The following SCML4 variants were observed in gnomAD, a reference collection of about 807,000 sequenced individuals.
SCML4 encodes the protein Scm polycomb group protein like 4.
A neutral mutation model predicts 41.1 loss-of-function variants in SCML4; 34 were observed. The ratio of observed to expected loss-of-function variants is 0.83; its 90% CI spans 0.63 to 1.10. The LOEUF is 1.10. SCML4 is among the 50% of genes least tolerant of loss of function. The pLI, the probability that SCML4 is intolerant of heterozygous loss-of-function variation, is 0.00. For missense variants in SCML4, 522 were observed against 534.1 expected (o/e 0.98, Z 0.22); for synonymous variants, 214 against 220.9 (o/e 0.97, Z 0.28).
At chr6:107,784,830 C>A (rs536086644) in intron 1 of SCML4, among the ~76,000 whole-genome samples, 1 of 152,228 alleles carries the variant, frequency 6.6e-6, no homozygotes, top group African/African-American at 2.4e-5. Context: ...GCACTCATCA[C>A]GGCCCGTGGT....
chr6:107,826,939 TG>T (rs1785280487), upstream of SCML4, among the ~76,000 whole-genome samples: 1 of 151,970 alleles, frequency 6.6e-6, no homozygotes, highest in Admixed American at 6.6e-5. Context: ...GGCAGGCGCC[TG>T]TAGTCCCAGC....
chr6:107,727,299 T>C (rs1259784116), intron 5 of SCML4, among the ~76,000 whole-genome samples: 5 of 152,304 alleles, frequency 3.3e-5, no homozygotes, highest in East Asian at 3.9e-4. Flanking sequence ...GGAGGTTTCT[T>C]TGAGGTGATG....
intron 1 of SCML4, among the ~76,000 whole-genome samples, chr6:107,774,958 GCA>G (rs1380662664): frequency 6.6e-6 from 1 of 151,120 alleles, no homozygotes; most frequent in Non-Finnish European, 1.5e-5. Context: ...TCGCGCCACT[GCA>G]CTCCAACCTG....
At chr6:107,813,149 G>C (rs1784284795) in intron 1 of SCML4, among the ~76,000 whole-genome samples, 1 of 151,442 alleles carries the variant, frequency 6.6e-6, no homozygotes, top group South Asian at 2.1e-4. Flanking sequence ...GATGGCTTGA[G>C]TTCAGGAGTT....
At chr6:107,758,309 G>A (rs1779272599) in intron 2 of SCML4, among the ~76,000 whole-genome samples, 1 of 152,226 alleles carries the variant, frequency 6.6e-6, no homozygotes, top group African/African-American at 2.4e-5. Context: ...AACAGCTTGT[G>A]CAAACATTCT....
At chr6:107,773,869 G>A (rs1780713508) in intron 1 of SCML4, among the ~76,000 whole-genome samples, 1 of 152,174 alleles carries the variant, frequency 6.6e-6, no homozygotes, top group Non-Finnish European at 1.5e-5. Context: ...AAGACGATGG[G>A]CACAGTCCCT....
chr6:107,799,423 C>T (rs949053437), intron 1 of SCML4, among the ~76,000 whole-genome samples: 1 of 152,136 alleles, frequency 6.6e-6, no homozygotes, highest in Non-Finnish European at 1.5e-5. Flanking sequence ...TTTTATTGAT[C>T]TCTTACTTGT....
At chr6:107,748,141 T>C (rs766250035) in intron 3 of SCML4, among the ~76,000 whole-genome samples, 13 of 152,360 alleles carry the variant, frequency 8.5e-5, no homozygotes, top group Middle Eastern at 3.4e-3. Context: ...ATTGCATACA[T>C]TGTAAAACAT....
chr6:107,785,118 T>C (rs1781788773), intron 1 of SCML4, among the ~76,000 whole-genome samples: 1 of 152,212 alleles, frequency 6.6e-6, no homozygotes, highest in African/African-American at 2.4e-5. Flanking sequence ...GCCTGGTTTA[T>C]TTATTTTCTT....
chr6:107,742,716 G>T (rs748149461), intron 5 of SCML4, among the ~76,000 whole-genome samples: 5 of 152,060 alleles, frequency 3.3e-5, no homozygotes, highest in Non-Finnish European at 5.9e-5. Flanking sequence ...CTTCAAATAT[G>T]AAGGGTAAAT....
rs1460339024 is a variant in SCML4, at chr6:107,714,975, T to C, written c.973+5728A>G. 1.1e-3 allele frequency among the ~76,000 whole-genome samples: 104 copies of C among 96,770 alleles called. 1 individual carries two copies. Among genetic ancestry groups the C allele is most frequent in the African/African-American group, 3.1e-3 (100 of 32,742 alleles). 63.5% of individuals were successfully genotyped at this position (96,770 alleles called of 152,430 possible). A position where few individuals can be genotyped will look rare whatever the true frequency, so the allele number is the denominator to read the frequency against. Reference sequence around the variant, plus strand: ...TCCCTGGTGTCCCTGCACAAACCCTTTATTTTTTTTTTTTTTTGAGATGAA... The same window carrying C: ...TCCCTGGTGTCCCTGCACAAACCCTCTATTTTTTTTTTTTTTTGAGATGAA... On this transcript the variant is annotated intron_variant, in intron 6 of 7. Coordinates refer to ENST00000369020, the MANE Select transcript of SCML4 (RefSeq NM_198081.5).
intron 5 of SCML4, among the ~76,000 whole-genome samples, chr6:107,727,804 G>A (rs780484862): frequency 6.6e-6 from 1 of 152,184 alleles, no homozygotes; most frequent in African/African-American, 2.4e-5. Flanking sequence ...TACTATCTAC[G>A]ATCTAAAGCC....
chr6:107,752,771 GA>G (rs1182860174), intron 2 of SCML4, among the ~76,000 whole-genome samples: 7 of 152,266 alleles, frequency 4.6e-5, no homozygotes, highest in African/African-American at 1.7e-4. Context: ...TGCCCTCGTG[GA>G]ACTGACATTC....
At chr6:107,833,644 G>T in the SCML4 span, among the ~76,000 whole-genome samples, 2 of 152,172 alleles carry the variant, frequency 1.3e-5, no homozygotes, top group Non-Finnish European at 2.9e-5. Context: ...GGACTCTCCG[G>T]AGAGGAAGTC....
At chr6:107,762,876 C>CTTTTTTTTTTTT (rs57370632) in intron 2 of SCML4, among the ~76,000 whole-genome samples, 2 of 89,656 alleles carry the variant, frequency 2.2e-5, no homozygotes. Context: ...TAAATGCACT[C>CTTTTTTTTTTTT]TTTTTTTTTT....
At chr6:107,751,592 T>TTCTTTCTTTCTTTCTTTCTTTCTG (rs1778646077) in intron 2 of SCML4, among the ~76,000 whole-genome samples, 1 of 130,316 alleles carries the variant, frequency 7.7e-6, no homozygotes, top group Admixed American at 7.7e-5. Flanking sequence ...CTTTCTTTCT[T>TTCTTTCTTTCTTTCTTTCTTTCTG]TCTTTCTTTC....
chr6:107,799,849 AT>A (rs1782971779), intron 1 of SCML4, among the ~76,000 whole-genome samples: 1 of 151,502 alleles, frequency 6.6e-6, no homozygotes, highest in Non-Finnish European at 1.5e-5. Context: ...TAGAGTTTCC[AT>A]TTCTTTTCTA....
intron 2 of SCML4, among the ~76,000 whole-genome samples, chr6:107,771,545 A>G (rs993225429): frequency 7.2e-5 from 11 of 152,284 alleles, no homozygotes; most frequent in African/African-American, 2.6e-4. Context: ...CAGCCTCTCC[A>G]AATCACTGCT....
chr6:107,731,062 G>A (rs973007530), intron 5 of SCML4, among the ~76,000 whole-genome samples: 2 of 152,164 alleles, frequency 1.3e-5, no homozygotes, highest in African/African-American at 4.8e-5. Context: ...GGAGGGTCAG[G>A]TGTGAGCCCC....
Sources: allele counts gnomAD v4.1 joint callset (sites outside exome capture counted in the v4.1 genomes callset), GRCh38; gene constraint gnomAD v4.1.1; transcripts MANE v1.5; gene names NCBI Gene and HGNC (gene_info 2026-07-23, HGNC 2026-07-21).